ELAVL2: variants seen among roughly 807,000 people sequenced by gnomAD.
ELAVL2 encodes ELAV like RNA binding protein 2.
In ELAVL2, 4 loss-of-function variants were observed where a neutral mutation model predicts 34.6. The ratio of observed to expected loss-of-function variants is 0.12; its 90% confidence interval spans 0.06 to 0.26. ELAVL2 has a LOEUF of 0.26. ELAVL2 is among the 10% of genes least tolerant of loss of function. The pLI is 1.00. For synonymous variants in ELAVL2, 193 were observed against 154.8 expected, an observed-to-expected ratio of 1.25 and a Z score of -1.83; for missense variants, 432 against 442.8, an observed-to-expected ratio of 0.98 and a Z score of 0.22.
chr9:23,816,571 T>A (rs2063751853), intron 1 of ELAVL2, among the ~76,000 whole-genome samples: 1 of 152,124 alleles, frequency 6.6e-6, no homozygotes, highest in Non-Finnish European at 1.5e-5. Flanking sequence ...AATCTATCAC[T>A]ACAGATGGTC....
intron 1 of ELAVL2, among the ~76,000 whole-genome samples, chr9:23,797,606 T>C (rs1225622406): frequency 6.6e-6 from 1 of 152,102 alleles, no homozygotes; most frequent in African/African-American, 2.4e-5. Context: ...ACGATTTAGG[T>C]TTGCCATAAT....
intron 2 of ELAVL2, among the ~76,000 whole-genome samples, chr9:23,736,255 T>A (rs996085515): frequency 2.0e-5 from 3 of 151,990 alleles, no homozygotes; most frequent in Admixed American, 2.0e-4. Context: ...AACACAAAAT[T>A]GTGGAAAATA....
chr9:23,760,333 A>G (rs1224793340), intron 2 of ELAVL2, among the ~76,000 whole-genome samples: 1 of 151,952 alleles, frequency 6.6e-6, no homozygotes, highest in Non-Finnish European at 1.5e-5. Context: ...TGCTCTGTTC[A>G]TGCATCTTTC....
chr9:23,717,688 T>A (rs889780137), intron 3 of ELAVL2, among the ~76,000 whole-genome samples: 2 of 152,168 alleles, frequency 1.3e-5, no homozygotes, highest in Non-Finnish European at 2.9e-5. Flanking sequence ...GCATATCCAT[T>A]TTCATTGTAT....
intron 1 of ELAVL2, among the ~76,000 whole-genome samples, chr9:23,808,273 A>G (rs773312432): frequency 3.9e-5 from 6 of 152,196 alleles, no homozygotes; most frequent in Non-Finnish European, 7.4e-5. Flanking sequence ...TCACAATTAT[A>G]TGTAATAATT....
chr9:23,813,118 G>A (rs2063228531), intron 1 of ELAVL2, among the ~76,000 whole-genome samples: 1 of 152,160 alleles, frequency 6.6e-6, no homozygotes, highest in South Asian at 2.1e-4. Context: ...ACACACCAAA[G>A]TTGCTCTCTG....
chr9:23,761,273 C>T (rs184331330), intron 2 of ELAVL2, among the ~76,000 whole-genome samples: 31 of 152,160 alleles, frequency 2.0e-4, no homozygotes, highest in African/African-American at 6.7e-4. Context: ...TGTCTAACTT[C>T]ATGTATTTTT....
intron 3 of ELAVL2, among the ~76,000 whole-genome samples, chr9:23,709,461 T>C (rs1385919620): frequency 6.6e-6 from 1 of 152,176 alleles, no homozygotes; most frequent in African/African-American, 2.4e-5. Context: ...ATTTTTTTTT[T>C]TTCCTGTGGA....
chr9:23,741,389 C>A (rs1179044489), intron 2 of ELAVL2, among the ~76,000 whole-genome samples: 1 of 152,082 alleles, frequency 6.6e-6, no homozygotes, highest in Non-Finnish European at 1.5e-5. Context: ...CACGAGGGAC[C>A]CAGGGACAGT....
At chr9:23,737,788 A>G (rs989096875) in intron 2 of ELAVL2, among the ~76,000 whole-genome samples, 2 of 152,230 alleles carry the variant, frequency 1.3e-5, no homozygotes, top group Non-Finnish European at 2.9e-5. Context: ...TAGCAGAAAC[A>G]GGTCACTATG....
chr9:23,720,686 A>G (rs539930410), intron 3 of ELAVL2, among the ~76,000 whole-genome samples: 21 of 152,330 alleles, frequency 1.4e-4, no homozygotes. Flanking sequence ...AATCCCAGCC[A>G]TTCAACATAT....
rs146832864 is a variant in ELAVL2 at position 23,762,158 on chromosome 9, G to A, written c.77C>T (p.Ser26Leu). 7.4e-5 allele frequency: 120 copies of A among 1,613,502 alleles called. No individual in the cohort carries two copies. The highest frequency in any genetic ancestry group is 8.6e-5 in the Non-Finnish European group (102 of 1,179,658). The stretch of plus-strand genomic sequence containing the variant: ...TGTGTTCCCAGAGTCAACTGGTGAC[G>A]AACAGTTGTTGTTTATGGTGGTTGG... Reference protein sequence around the residue: ...NGPTTINNNCSSPVDSGNTED... With the variant: ...NGPTTINNNCLSPVDSGNTED... Residue 26 changes from serine to leucine, a missense_variant, in exon 2 of 7, where the codon TCG becomes TTG. Transcript: ENST00000397312.
At chr9:23,777,484 C>G (rs1341000174) in intron 1 of ELAVL2, among the ~76,000 whole-genome samples, 1 of 152,152 alleles carries the variant, frequency 6.6e-6, no homozygotes, top group Non-Finnish European at 1.5e-5. Context: ...CCTTCTGCCC[C>G]ACCCAAGCAT....
intron 1 of ELAVL2, among the ~76,000 whole-genome samples, chr9:23,766,064 A>C (rs2056189226): frequency 6.6e-6 from 1 of 152,176 alleles, no homozygotes; most frequent in African/African-American, 2.4e-5. Context: ...TGAATAACAG[A>C]AGAGGTCCAA....
At chr9:23,695,754 G>A (rs1322550039) in intron 5 of ELAVL2, among the ~76,000 whole-genome samples, 1 of 152,136 alleles carries the variant, frequency 6.6e-6, no homozygotes, top group East Asian at 1.9e-4. Context: ...AAAAGGTAAT[G>A]CATTGCACAA....
intron 3 of ELAVL2, among the ~76,000 whole-genome samples, chr9:23,728,810 G>A (rs1168448788): frequency 6.6e-6 from 1 of 152,044 alleles, no homozygotes; most frequent in Non-Finnish European, 1.5e-5. Context: ...ATACTTGTGG[G>A]AAATGGTCTG....
At chr9:23,714,292 G>A (rs2041760788) in intron 3 of ELAVL2, among the ~76,000 whole-genome samples, 1 of 152,126 alleles carries the variant, frequency 6.6e-6, no homozygotes, top group South Asian at 2.1e-4. Context: ...AGGAGACGTG[G>A]CACAAGAACA....
At position 23,694,019 on chromosome 9, in the gene ELAVL2, A is replaced by C. The variant is rs1360142563; in HGVS notation, c.714-533T>G. Among the ~76,000 whole-genome samples, 8 of 152,270 alleles carry C rather than the reference A, an allele frequency of 5.3e-5. 1 individual carries two copies. The South Asian group carries it at 1.4e-3, about 28-fold the overall frequency. ...TGAAGGGCTTTCATCTTTTAGAATC[A>C]AGGAGGTATAATTACAGGTAGAAAA... On this transcript the variant is annotated intron_variant, in intron 5 of 6. Coordinates refer to ENST00000397312, the MANE Select transcript of ELAVL2 (RefSeq NM_004432.5).
At chr9:23,724,377 C>G (rs1473235409) in intron 3 of ELAVL2, among the ~76,000 whole-genome samples, 1 of 152,112 alleles carries the variant, frequency 6.6e-6, no homozygotes, top group African/African-American at 2.4e-5. Flanking sequence ...TTTGAGAATT[C>G]CAATTAACTC....
Sources: allele counts gnomAD v4.1 joint callset (sites outside exome capture counted in the v4.1 genomes callset), GRCh38; gene constraint gnomAD v4.1.1; transcripts MANE v1.5; gene names NCBI Gene and HGNC (gene_info 2026-07-23, HGNC 2026-07-21).